DMD: variants seen among roughly 807,000 people sequenced by gnomAD.
DMD encodes the protein mutant dystrophin.
A neutral mutation model predicts 330.1 loss-of-function variants in DMD; 63 were observed. That is an observed-to-expected ratio of 0.19 (90% CI 0.16 to 0.24). The LOEUF is 0.24. DMD is among the 10% of genes least tolerant of loss of function. The probability of loss-of-function intolerance (pLI) is 1.00; values close to 1 mark genes in which losing one functional copy is unlikely to be tolerated. For missense variants in DMD, 3,344 were observed against 2,684.1 expected, an observed-to-expected ratio of 1.25 and a Z score of -5.43; for synonymous variants, 1,223 against 959.8, an observed-to-expected ratio of 1.27 and a Z score of -5.07.
chrX:32,809,620 C>T lies in DMD; in HGVS notation c.531-9G>A. On this transcript the variant is annotated splice_polypyrimidine_tract_variant and intron_variant, in intron 6 of 78. Coordinates refer to ENST00000357033, the MANE Select transcript of DMD (RefSeq NM_004006.3). ...AGTCAAATAGGTCTGGCCTAAAACACATACACATACACACATACACAAAGA... is the reference window on the plus strand; with the variant it reads ...AGTCAAATAGGTCTGGCCTAAAACATATACACATACACACATACACAAAGA... The T allele has an allele frequency of 1.8e-6, 2 of 1,138,170 alleles. No homozygotes were observed. Among genetic ancestry groups the T allele is most frequent in the Non-Finnish European group, 1.2e-6 (1 of 829,084 alleles). The allele number at this position is 1,138,170 out of a possible 1,213,427, so 93.8% of individuals were successfully genotyped here. A position where few individuals can be genotyped will look rare whatever the true frequency, so the allele number is the denominator to read the frequency against.
intron 44 of DMD, among the ~76,000 whole-genome samples, chrX:32,034,834 TA>T (rs2095928070): frequency 9.0e-6 from 1 of 111,723 alleles, no homozygotes; most frequent in Non-Finnish European, 1.9e-5. Context: ...TTAATTTTCA[TA>T]AAAAGAAGCC....
intron 48 of DMD, among the ~76,000 whole-genome samples, chrX:31,861,536 G>A (rs2093697206): frequency 9.5e-6 from 1 of 105,421 alleles, no homozygotes; most frequent in Non-Finnish European, 1.9e-5. Flanking sequence ...TTGGAGTGCT[G>A]CTTAAGTGAA....
At chrX:33,195,732 TTGTGTGTGTGTGTGTGTG>T (rs71969580) in intron 1 of DMD, among the ~76,000 whole-genome samples, 16,611 of 97,573 alleles carry the variant, frequency 0.17, 1,725 homozygotes, top group African/African-American at 0.4. Context: ...CTGTTCTATT[TTGTGTGTGTGTGTGTGTG>T]TGTGTGTGTG....
In DMD at chrX:31,718,293, T is replaced by C. The variant is rs1426955505; in HGVS notation, c.7660+11338A>G. Among the ~76,000 whole-genome samples the C allele has an allele frequency of 5.4e-5, 6 of 111,331 alleles. No individual in the cohort carries two copies. In the South Asian group the frequency reaches 2.3e-3, roughly 43 times the overall value. On this transcript the variant is annotated intron_variant, in intron 52 of 78. Transcript: ENST00000357033. Reference sequence around the variant, plus strand: ...GTTCTAAAAATTCTGTGCATAGACATTAGAACAGTTACCAATATTCGTGCA... The same window carrying C: ...GTTCTAAAAATTCTGTGCATAGACACTAGAACAGTTACCAATATTCGTGCA...
rs140403695 is a variant in DMD, at chrX:33,192,025, A to C, written c.31+19257T>G. Among the ~76,000 whole-genome samples the C allele has an allele frequency of 4.4e-3, 490 of 112,194 alleles. 4 individuals carry two copies. Among genetic ancestry groups the C allele is most frequent in the African/African-American group, 0.014 (445 of 30,901 alleles). ...TGTAAACAGTGGATAAAGGACAAGA[A>C]TTGCATGCAGTTAAAGAAAAACAGG... is the stretch of plus-strand genomic sequence containing the variant. On this transcript the variant is annotated intron_variant, in intron 1 of 78. Transcript: ENST00000357033.
At position 32,484,943 on chromosome X, in the gene DMD, C is replaced by T. The variant is rs867046331; in HGVS notation, c.2779G>A (p.Ala927Thr). Residue 927 changes from alanine (A) to threonine (T), a missense_variant, in exon 21 of 79, where the codon GCC becomes ACC. Transcript: ENST00000357033. Reference sequence around the variant, plus strand: ...CTTGTCTGTAGCTCTTTCTCTCTGGCCTGCACATCAGAAAAGACTTGCTTA... The same window carrying T: ...CTTGTCTGTAGCTCTTTCTCTCTGGTCTGCACATCAGAAAAGACTTGCTTA... Reference protein sequence around the residue: ...HFKQVFSDVQAREKELQTIFD... With the variant: ...HFKQVFSDVQTREKELQTIFD... 4.1e-6 allele frequency: 5 copies of T among 1,211,427 alleles called. No individual in the cohort carries two copies. Among genetic ancestry groups the T allele is most frequent in the Non-Finnish European group, 4.5e-6 (4 of 895,319 alleles).
intron 62 of DMD, among the ~76,000 whole-genome samples, chrX:31,283,528 AG>A (rs2052786784): frequency 9.0e-6 from 1 of 111,724 alleles, no homozygotes; most frequent in South Asian, 3.7e-4. Flanking sequence ...TAATTATAAA[AG>A]TTTTATACTG....
intron 54 of DMD, among the ~76,000 whole-genome samples, chrX:31,649,881 A>G (rs1174849666): frequency 9.0e-6 from 1 of 111,329 alleles, no homozygotes; most frequent in African/African-American, 3.3e-5. Context: ...TACATTTCGC[A>G]TAAGAGGAAT....
chrX:33,028,479 G>A (rs141351942), intron 1 of DMD, among the ~76,000 whole-genome samples: 118 of 111,915 alleles, frequency 1.1e-3, no homozygotes, highest in African/African-American at 3.4e-3. Flanking sequence ...ACATATTATC[G>A]ATTAGGCCTG....
intron 1 of DMD, among the ~76,000 whole-genome samples, chrX:33,193,081 C>A (rs932408842): frequency 2.7e-5 from 3 of 111,754 alleles, no homozygotes; most frequent in Non-Finnish European, 3.8e-5. Context: ...CTGAGGTGGG[C>A]AGATCACCTG....
intron 61 of DMD, among the ~76,000 whole-genome samples, chrX:31,337,066 G>A (rs745785033): frequency 1.5e-4 from 16 of 109,243 alleles, no homozygotes; most frequent in African/African-American, 4.7e-4. Flanking sequence ...TGGGATTACA[G>A]GTGTGCGCCA....
chrX:32,054,417 C>T (rs2096149291), intron 44 of DMD, among the ~76,000 whole-genome samples: 1 of 95,288 alleles, frequency 1.0e-5, no homozygotes, highest in Non-Finnish European at 2.0e-5. Flanking sequence ...TTGTTCAATT[C>T]CCACCTATGA....
chrX:31,713,463 G>T (rs1484484310), intron 52 of DMD, among the ~76,000 whole-genome samples: 1 of 111,106 alleles, frequency 9.0e-6, no homozygotes, highest in Non-Finnish European at 1.9e-5. Flanking sequence ...GTTATTGTTG[G>T]TACACATTTG....
chrX:32,419,690 A>T (rs2098181789), intron 29 of DMD, among the ~76,000 whole-genome samples: 1 of 112,325 alleles, frequency 8.9e-6, no homozygotes, highest in African/African-American at 3.2e-5. Context: ...AATTTTCTTT[A>T]CCAGGAAAGA....
intron 9 of DMD, among the ~76,000 whole-genome samples, chrX:32,691,332 A>C (rs1426975192): frequency 1.8e-5 from 2 of 108,677 alleles, no homozygotes; most frequent in South Asian, 3.8e-4. Context: ...AAAAAAAAAA[A>C]CTAAAAACGC....
intron 44 of DMD, among the ~76,000 whole-genome samples, chrX:32,026,922 T>C (rs1480297461): frequency 9.0e-6 from 1 of 110,672 alleles, no homozygotes; most frequent in Non-Finnish European, 1.9e-5. Context: ...AGTAAGAAGA[T>C]GGAAAAGGTA....
At chrX:32,917,398 A>G (rs1337235504) in intron 2 of DMD, among the ~76,000 whole-genome samples, 1 of 111,950 alleles carries the variant, frequency 8.9e-6, no homozygotes, top group Non-Finnish European at 1.9e-5. Context: ...ATCAAAAGCT[A>G]CAAACTATTT....
At chrX:31,514,821 TC>T (rs1399355510) in intron 55 of DMD, among the ~76,000 whole-genome samples, 1 of 111,295 alleles carries the variant, frequency 9.0e-6, no homozygotes, top group African/African-American at 3.3e-5. Flanking sequence ...AAGAAAATAT[TC>T]CAGGTAAAAA....
intron 7 of DMD, among the ~76,000 whole-genome samples, chrX:32,709,804 A>G (rs1017348918): frequency 8.1e-5 from 9 of 111,592 alleles, no homozygotes; most frequent in African/African-American, 2.9e-4. Context: ...TGCTTGTCAC[A>G]AACTGTCATT....
Sources: allele counts gnomAD v4.1 joint callset (sites outside exome capture counted in the v4.1 genomes callset), GRCh38; gene constraint gnomAD v4.1.1; transcripts MANE v1.5; gene names NCBI Gene and HGNC (gene_info 2026-07-23, HGNC 2026-07-21).